The following OLFM3 variants were observed in gnomAD, a reference collection of about 807,000 sequenced individuals.
OLFM3 encodes the protein noelin-3.
OLFM3 carries 20 observed loss-of-function variants against 48.6 expected under a neutral mutation model. The ratio of observed to expected loss-of-function variants is 0.41; its 90% CI spans 0.29 to 0.60. The LOEUF (loss-of-function observed/expected upper bound fraction) is 0.60, where lower values mean the gene tolerates loss of function less well. OLFM3 is among the 20% of genes least tolerant of loss of function. The pLI, the probability that OLFM3 is intolerant of heterozygous loss-of-function variation, is 0.28. For missense variants in OLFM3, 437 were observed against 544.3 expected (o/e 0.80, Z 1.96); for synonymous variants, 222 against 198.1 (o/e 1.12, Z -1.01).
At chr1:101,943,336 G>A (rs932259830) in intron 1 of OLFM3, among the ~76,000 whole-genome samples, 63 of 152,136 alleles carry the variant, frequency 4.1e-4, no homozygotes, top group African/African-American at 1.5e-3. Flanking sequence ...CTTTTTGATA[G>A]CTTGTCCTAC....
intron 1 of OLFM3, among the ~76,000 whole-genome samples, chr1:101,853,305 C>T (rs1249734400): frequency 6.6e-6 from 1 of 151,934 alleles, no homozygotes; most frequent in Admixed American, 6.6e-5. Flanking sequence ...AAATTACAAT[C>T]TCTCAATATC....
chr1:101,847,799 A>T (rs1228171505), intron 1 of OLFM3, among the ~76,000 whole-genome samples: 1 of 152,124 alleles, frequency 6.6e-6, no homozygotes, highest in Non-Finnish European at 1.5e-5. Context: ...GTGAGGAATG[A>T]CGGACTGATA....
At chr1:101,922,281 A>G (rs907452230) in intron 1 of OLFM3, among the ~76,000 whole-genome samples, 11 of 152,324 alleles carry the variant, frequency 7.2e-5, no homozygotes, top group Admixed American at 3.9e-4. Flanking sequence ...ATACATGTAA[A>G]GCGCTTTAGT....
intron 1 of OLFM3, among the ~76,000 whole-genome samples, chr1:101,878,231 G>T (rs1168881988): frequency 2.0e-5 from 3 of 151,888 alleles, no homozygotes; most frequent in African/African-American, 2.4e-5. Context: ...ATGGTGGTTA[G>T]ATTGTTTTAT....
At chr1:101,938,438 CA>C (rs1659689501) in intron 1 of OLFM3, among the ~76,000 whole-genome samples, 2 of 152,190 alleles carry the variant, frequency 1.3e-5, no homozygotes, top group African/African-American at 4.8e-5. Context: ...AGACCATGAA[CA>C]CATTCTCCAC....
intron 1 of OLFM3, among the ~76,000 whole-genome samples, chr1:101,859,108 G>A (rs143029154): frequency 6.6e-6 from 1 of 152,026 alleles, no homozygotes; most frequent in East Asian, 1.9e-4. Context: ...TGGGGGAAGT[G>A]AAAAATGCAT....
intron 4 of OLFM3, among the ~76,000 whole-genome samples, chr1:101,818,738 A>G (rs1266238924): frequency 3.3e-5 from 5 of 152,156 alleles, no homozygotes. Context: ...CAAACATGAA[A>G]AAAGGCTGTG....
At chr1:101,958,835 T>TTTTATATATA (rs1330516478) in intron 1 of OLFM3, among the ~76,000 whole-genome samples, 2 of 146,392 alleles carry the variant, frequency 1.4e-5, no homozygotes, top group Non-Finnish European at 3.0e-5. Flanking sequence ...CAAAGTGATA[T>TTTTATATATA]TATATATATA....
At chr1:101,865,408 G>A (rs369839818) in intron 1 of OLFM3, among the ~76,000 whole-genome samples, 1 of 151,426 alleles carries the variant, frequency 6.6e-6, no homozygotes. Flanking sequence ...CTAGCTATTA[G>A]CACAAACCCA....
intron 2 of OLFM3, among the ~76,000 whole-genome samples, chr1:101,834,211 T>A (rs1269160262): frequency 6.6e-6 from 1 of 152,114 alleles, no homozygotes; most frequent in Non-Finnish European, 1.5e-5. Flanking sequence ...TGCAAACGGA[T>A]CTGTTAGAGC....
At position 101,811,299 on chromosome 1, in the gene OLFM3, G is replaced by A. The variant is rs545267115; in HGVS notation, c.593-5117C>T. On this transcript the variant is annotated intron_variant, in intron 4 of 5. Transcript: ENST00000370103. Reference sequence around the variant, plus strand: ...TGAATACAGATTTTGTAGTTATGGAGTTTGACTTAACATTTTAGATGGCCA... The same window carrying A: ...TGAATACAGATTTTGTAGTTATGGAATTTGACTTAACATTTTAGATGGCCA... Among the ~76,000 whole-genome samples, 4 of 152,140 alleles carry A rather than the reference G, an allele frequency of 2.6e-5. No individual in the cohort carries two copies. The South Asian group carries it at 8.3e-4, about 32-fold the overall frequency.
At chr1:101,829,896 G>T (rs568509927) in intron 3 of OLFM3, among the ~76,000 whole-genome samples, 51 of 151,830 alleles carry the variant, frequency 3.4e-4, no homozygotes, top group African/African-American at 1.2e-3. Flanking sequence ...GTGCAGTGGC[G>T]CTGTCTCGGC....
chr1:101,913,846 GA>G (rs1246340054), intron 1 of OLFM3, among the ~76,000 whole-genome samples: 1 of 152,078 alleles, frequency 6.6e-6, no homozygotes, highest in African/African-American at 2.4e-5. Flanking sequence ...TGCTTCAGAA[GA>G]AGAAATAGAT....
intron 1 of OLFM3, among the ~76,000 whole-genome samples, chr1:101,994,724 A>G (rs980081788): frequency 6.6e-6 from 1 of 151,766 alleles, no homozygotes; most frequent in African/African-American, 2.4e-5. Flanking sequence ...AAGTTTTAAT[A>G]TTCTCTGTAA....
intron 1 of OLFM3, chr1:101,859,806 G>A (rs747575514): frequency 1.1e-4 from 16 of 151,448 alleles, no homozygotes; most frequent in Non-Finnish European, 1.9e-4. Flanking sequence ...AATCACTTGA[G>A]GATCTTGTGA....
At chr1:101,817,379 T>C (rs1654383511) in intron 4 of OLFM3, among the ~76,000 whole-genome samples, 1 of 152,180 alleles carries the variant, frequency 6.6e-6, no homozygotes, top group Admixed American at 6.5e-5. Flanking sequence ...ACATTGCATA[T>C]ATTCAGAAAA....
intron 1 of OLFM3, among the ~76,000 whole-genome samples, chr1:101,938,817 T>G (rs376716904): frequency 6.6e-6 from 1 of 152,164 alleles, no homozygotes; most frequent in East Asian, 1.9e-4. Context: ...GGAGTGTCTC[T>G]ATCAAGTATT....
intron 1 of OLFM3, among the ~76,000 whole-genome samples, chr1:101,899,034 CT>C (rs1401534539): frequency 6.6e-6 from 1 of 152,124 alleles, no homozygotes; most frequent in Non-Finnish European, 1.5e-5. Flanking sequence ...AACTTATTTT[CT>C]TTAAACAACA....
At chr1:101,911,964 G>A (rs1365670230) in intron 1 of OLFM3, among the ~76,000 whole-genome samples, 22 of 152,156 alleles carry the variant, frequency 1.4e-4, no homozygotes, top group Admixed American at 1.4e-3. Context: ...ATTTTCATAT[G>A]GAGTACGTAA....
Sources: allele counts gnomAD v4.1 joint callset (sites outside exome capture counted in the v4.1 genomes callset), GRCh38; gene constraint gnomAD v4.1.1; transcripts MANE v1.5; gene names NCBI Gene and HGNC (gene_info 2026-07-23, HGNC 2026-07-21).